ANKS1B: variants seen among roughly 807,000 people sequenced by gnomAD.
ANKS1B encodes the protein ankyrin repeat and sterile alpha motif domain-containing protein 1B.
A neutral mutation model predicts 148.3 loss-of-function variants in ANKS1B; 36 were observed. That is an observed-to-expected ratio of 0.24 (90% confidence interval 0.19 to 0.32). The LOEUF (loss-of-function observed/expected upper bound fraction) is 0.32. Ranked by LOEUF, ANKS1B falls within the 10% of genes least tolerant of loss-of-function variation. The probability of loss-of-function intolerance (pLI) is 1.00; values close to 1 mark genes in which losing one functional copy is unlikely to be tolerated. For synonymous variants in ANKS1B, 542 were observed against 560.8 expected (o/e 0.97, Z 0.47); for missense variants, 1,157 against 1,542.6 (o/e 0.75, Z 4.19).
chr12:99,910,354 CAAAAAAAA>C (rs57222450), intron 1 of ANKS1B, among the ~76,000 whole-genome samples: 27 of 51,104 alleles, frequency 5.3e-4, no homozygotes, highest in African/African-American at 2.0e-3. Flanking sequence ...GACTCCATCT[CAAAAAAAA>C]AAAAAAAAAA....
In ANKS1B at chr12:98,745,665, G is replaced by C. The variant is rs1017673701; in HGVS notation, c.*74C>G. On this transcript the variant is annotated 3_prime_UTR_variant, in exon 27 of 27. Coordinates refer to ENST00000683438, the MANE Select transcript of ANKS1B (RefSeq NM_001352186.2). ...TCTTCCTCCTGGGCTGGGTGGACGCGGAGGCGCGAAGGAAAGCCTGCTCCG... is the reference window on the plus strand; with the variant it reads ...TCTTCCTCCTGGGCTGGGTGGACGCCGAGGCGCGAAGGAAAGCCTGCTCCG... The C allele has an allele frequency of 1.9e-6, 3 of 1,577,358 alleles. No individual in the cohort carries two copies. The highest frequency in any genetic ancestry group is 2.7e-5 in the African/African-American group (2 of 73,564).
intron 2 of ANKS1B, among the ~76,000 whole-genome samples, chr12:99,818,077 T>C (rs1263141545): frequency 6.6e-6 from 1 of 151,738 alleles, no homozygotes; most frequent in Non-Finnish European, 1.5e-5. Context: ...CCTAAAACTA[T>C]GAAACTAGTA....
intron 17 of ANKS1B, among the ~76,000 whole-genome samples, chr12:98,869,656 T>C (rs1226870368): frequency 1.1e-5 from 1 of 93,476 alleles, no homozygotes; most frequent in African/African-American, 4.8e-5. Flanking sequence ...AAGGTACAAA[T>C]TACACAAAAT....
chr12:98,890,093 C>T (rs2099749108), intron 17 of ANKS1B, among the ~76,000 whole-genome samples: 1 of 152,204 alleles, frequency 6.6e-6, no homozygotes, highest in Admixed American at 6.5e-5. Flanking sequence ...GAAATGTTAT[C>T]TTCCAAGACA....
chr12:99,236,704 A>ATAGGAAT (rs1477871619), intron 14 of ANKS1B, among the ~76,000 whole-genome samples: 2 of 152,188 alleles, frequency 1.3e-5, no homozygotes, highest in African/African-American at 4.8e-5. Flanking sequence ...ACTATGTTGA[A>ATAGGAAT]TAGGAATAAG....
At chr12:98,980,850 C>T (rs796252872) in intron 17 of ANKS1B, among the ~76,000 whole-genome samples, 96 of 152,222 alleles carry the variant, frequency 6.3e-4, no homozygotes, top group African/African-American at 2.2e-3. Context: ...TTTTGGGTTA[C>T]CCTTCCCTCT....
intron 9 of ANKS1B, among the ~76,000 whole-genome samples, chr12:99,652,073 G>A (rs993466417): frequency 6.7e-5 from 10 of 148,892 alleles, no homozygotes; most frequent in African/African-American, 2.2e-4. Context: ...GTTTACATGT[G>A]TATATATATA....
intron 12 of ANKS1B, among the ~76,000 whole-genome samples, chr12:99,342,711 T>C (rs2090105716): frequency 6.6e-6 from 1 of 152,072 alleles, no homozygotes; most frequent in African/African-American, 2.4e-5. Flanking sequence ...CTTTTGTGGA[T>C]GCTATGGATT....
At chr12:98,748,280 C>T (rs1331732471) in intron 26 of ANKS1B, among the ~76,000 whole-genome samples, 1 of 152,126 alleles carries the variant, frequency 6.6e-6, no homozygotes, top group Non-Finnish European at 1.5e-5. Flanking sequence ...AGCGGGAAGG[C>T]AGACAGCTAA....
intron 9 of ANKS1B, among the ~76,000 whole-genome samples, chr12:99,601,999 T>A (rs1343790448): frequency 6.6e-6 from 1 of 152,010 alleles, no homozygotes; most frequent in African/African-American, 2.4e-5. Context: ...GTTAGGGTAA[T>A]ATTTCTAGGT....
intron 8 of ANKS1B, among the ~76,000 whole-genome samples, chr12:99,711,158 T>C (rs2056579902): frequency 6.6e-6 from 1 of 152,138 alleles, no homozygotes; most frequent in African/African-American, 2.4e-5. Flanking sequence ...AAAATCACCT[T>C]ATAAACTGGA....
At chr12:99,353,377 G>T (rs1476612777) in intron 12 of ANKS1B, among the ~76,000 whole-genome samples, 2 of 151,882 alleles carry the variant, frequency 1.3e-5, no homozygotes, top group African/African-American at 4.8e-5. Context: ...ATAATAAATG[G>T]CACTGGCTAT....
At chr12:99,115,340 C>T (rs946827110) in intron 15 of ANKS1B, among the ~76,000 whole-genome samples, 2 of 152,144 alleles carry the variant, frequency 1.3e-5, no homozygotes, top group African/African-American at 4.8e-5. Flanking sequence ...GAGCTGGAGG[C>T]CATTATCCTT....
chr12:99,954,963 T>G (rs763989533), intron 1 of ANKS1B, among the ~76,000 whole-genome samples: 7 of 152,196 alleles, frequency 4.6e-5, no homozygotes, highest in Admixed American at 1.3e-4. Flanking sequence ...GCTCCTGATC[T>G]CCTACATTCC....
At chr12:99,467,908 T>C (rs573250267) in intron 10 of ANKS1B, among the ~76,000 whole-genome samples, 1 of 152,268 alleles carries the variant, frequency 6.6e-6, no homozygotes, top group African/African-American at 2.4e-5. Context: ...AAGCTACCAA[T>C]GACTTTCTTC....
At chr12:99,920,182 C>T (rs977051235) in intron 1 of ANKS1B, among the ~76,000 whole-genome samples, 14 of 152,156 alleles carry the variant, frequency 9.2e-5, no homozygotes, top group Middle Eastern at 3.4e-3. Flanking sequence ...ATGCAACACA[C>T]GGATGATTTG....
At chr12:99,259,753 C>G (rs545687913) in intron 12 of ANKS1B, among the ~76,000 whole-genome samples, 2 of 151,360 alleles carry the variant, frequency 1.3e-5, no homozygotes, top group Admixed American at 1.3e-4. Flanking sequence ...AGGAAGCCAG[C>G]GACATTCACC....
intron 1 of ANKS1B, among the ~76,000 whole-genome samples, chr12:99,891,724 C>T (rs1426162295): frequency 6.6e-6 from 1 of 152,060 alleles, no homozygotes; most frequent in East Asian, 1.9e-4. Flanking sequence ...TTTAAACATT[C>T]AAAGGATACT....
At chr12:99,145,653 C>G (rs944001242) in intron 15 of ANKS1B, among the ~76,000 whole-genome samples, 5 of 152,000 alleles carry the variant, frequency 3.3e-5, no homozygotes, top group Non-Finnish European at 4.4e-5. Flanking sequence ...TCTCAAAGGA[C>G]CAGAAGTATG....
Sources: allele counts gnomAD v4.1 joint callset (sites outside exome capture counted in the v4.1 genomes callset), GRCh38; gene constraint gnomAD v4.1.1; transcripts MANE v1.5; gene names NCBI Gene and HGNC (gene_info 2026-07-23, HGNC 2026-07-21).